The following FHIT variants were observed in gnomAD, a reference collection of about 807,000 sequenced individuals.
FHIT encodes the protein bis(5'-adenosyl)-triphosphatase.
Under a neutral mutation model 17.9 loss-of-function variants are expected in FHIT, and 19 were observed. That is an observed-to-expected ratio of 1.06 (90% CI 0.74 to 1.56). The LOEUF (loss-of-function observed/expected upper bound fraction) is 1.56, where lower values mean the gene tolerates loss of function less well. Among genes scored for constraint, FHIT ranks in the 40% most tolerant of loss-of-function variants. FHIT has a pLI of 0.00. For synonymous variants in FHIT, 81 were observed against 69.7 expected (o/e 1.16, Z -0.81); for missense variants, 248 against 189.2 (o/e 1.31, Z -1.82).
At chr3:60,210,005 T>C (rs1328449855) in intron 5 of FHIT, among the ~76,000 whole-genome samples, 2 of 152,072 alleles carry the variant, frequency 1.3e-5, no homozygotes, top group Non-Finnish European at 2.9e-5. Context: ...ATGGCACACG[T>C]ATACCTATGT....
At chr3:61,098,872 G>C (rs1255524395) in intron 2 of FHIT, among the ~76,000 whole-genome samples, 3 of 152,050 alleles carry the variant, frequency 2.0e-5, no homozygotes, top group African/African-American at 7.2e-5. Flanking sequence ...GGGTTTTCTA[G>C]ATATAAGATT....
intron 4 of FHIT, among the ~76,000 whole-genome samples, chr3:60,757,671 A>G (rs1016230631): frequency 2.0e-5 from 3 of 152,204 alleles, no homozygotes; most frequent in Non-Finnish European, 4.4e-5. Context: ...GCTTCAGGGA[A>G]GAGGTGAGTA....
intron 5 of FHIT, among the ~76,000 whole-genome samples, chr3:60,029,879 T>TTGTGTGTGTGTGTGTGTGTGTGTGTG (rs746113510): frequency 7.6e-6 from 1 of 131,480 alleles, no homozygotes; most frequent in African/African-American, 2.8e-5. Flanking sequence ...CATAGAAGCA[T>TTGTGTGTGTGTGTGTGTGTGTGTGTG]TGTGTGTGTG....
At chr3:60,301,351 A>C (rs1173267262) in intron 5 of FHIT, among the ~76,000 whole-genome samples, 1 of 152,172 alleles carries the variant, frequency 6.6e-6, no homozygotes, top group South Asian at 2.1e-4. Context: ...AACATCAGCC[A>C]TAACTTGCAA....
intron 2 of FHIT, among the ~76,000 whole-genome samples, chr3:61,125,418 CTTTGT>C (rs1422060586): frequency 1.3e-5 from 2 of 152,152 alleles, no homozygotes; most frequent in East Asian, 3.9e-4. Flanking sequence ...AGAAAAAGTT[CTTTGT>C]TTTGTTTTTA....
intron 4 of FHIT, among the ~76,000 whole-genome samples, chr3:60,594,503 C>T (rs371353943): frequency 7.2e-5 from 11 of 152,214 alleles, no homozygotes; most frequent in African/African-American, 2.4e-4. Flanking sequence ...CAGGACCAAC[C>T]AGTGAAAGCT....
At chr3:59,986,591 A>G (rs1490939260) in intron 7 of FHIT, among the ~76,000 whole-genome samples, 1 of 82,062 alleles carries the variant, frequency 1.2e-5, no homozygotes, top group Non-Finnish European at 2.1e-5. Context: ...ACACACACAC[A>G]CACACATATA....
intron 4 of FHIT, among the ~76,000 whole-genome samples, chr3:60,758,857 G>C (rs868921240): frequency 6.6e-6 from 1 of 152,122 alleles, no homozygotes; most frequent in South Asian, 2.1e-4. Flanking sequence ...ATAAGAAATG[G>C]TTAACAGGAA....
intron 5 of FHIT, among the ~76,000 whole-genome samples, chr3:60,101,049 C>A (rs1368783829): frequency 6.6e-6 from 1 of 152,130 alleles, no homozygotes. Context: ...AAGTCTACCC[C>A]CTAGGCCAGA....
intron 7 of FHIT, among the ~76,000 whole-genome samples, chr3:59,978,087 A>C (rs1302420798): frequency 6.6e-6 from 1 of 152,164 alleles, no homozygotes; most frequent in Non-Finnish European, 1.5e-5. Context: ...TCCTCATAAT[A>C]AACCTGTGGG....
intron 8 of FHIT, among the ~76,000 whole-genome samples, chr3:59,882,925 C>T (rs753689705): frequency 1.3e-5 from 2 of 152,110 alleles, no homozygotes; most frequent in East Asian, 1.9e-4. Flanking sequence ...CTATGCTGTT[C>T]GGAGGAGGAA....
intron 3 of FHIT, among the ~76,000 whole-genome samples, chr3:60,981,727 G>A (rs1710505149): frequency 1.3e-5 from 2 of 151,506 alleles, no homozygotes; most frequent in Non-Finnish European, 2.9e-5. Context: ...TCCCTTCTCA[G>A]TCTCCTGAGT....
chr3:60,300,291 A>G (rs1708399649), intron 5 of FHIT, among the ~76,000 whole-genome samples: 1 of 152,102 alleles, frequency 6.6e-6, no homozygotes, highest in Non-Finnish European at 1.5e-5. Context: ...CTTGACTGTT[A>G]TCACAACAGA....
rs998717593 is a variant in FHIT at position 59,992,922 on chromosome 3, T to G, written c.279+18449A>C. Among the ~76,000 whole-genome samples the G allele has an allele frequency of 4.6e-5, 7 of 152,094 alleles. No individual in the cohort carries two copies. In the East Asian group the frequency reaches 1.4e-3, roughly 29 times the overall value. The stretch of plus-strand genomic sequence containing the variant: ...TCTACCACACACTTGCCAACTTTAT[T>G]CAAACTGATGATATTTTTCTTTAAA... On this transcript the variant is annotated intron_variant, in intron 7 of 9. Transcript: ENST00000492590.
intron 5 of FHIT, among the ~76,000 whole-genome samples, chr3:60,484,598 G>A (rs1289549282): frequency 6.6e-6 from 1 of 152,128 alleles, no homozygotes; most frequent in Non-Finnish European, 1.5e-5. Flanking sequence ...AAATGGTTCT[G>A]GGAAAACTGG....
intron 3 of FHIT, among the ~76,000 whole-genome samples, chr3:60,867,561 T>C (rs1704220465): frequency 6.6e-6 from 1 of 152,200 alleles, no homozygotes; most frequent in African/African-American, 2.4e-5. Flanking sequence ...ACTTGTTTCA[T>C]CCAGTTCTCC....
rs543181320 is a variant in FHIT at position 59,835,361 on chromosome 3, T to C, written c.349-83040A>G. On this transcript the variant is annotated intron_variant, in intron 8 of 9. Transcript: ENST00000492590. ...ACCCTTTCCCGCCTATTATGTCTAATGTTATTGTGCACCAAAAATGAAGCT... is the reference window on the plus strand; with the variant it reads ...ACCCTTTCCCGCCTATTATGTCTAACGTTATTGTGCACCAAAAATGAAGCT... Among the ~76,000 whole-genome samples, 5 of 152,310 alleles carry C rather than the reference T, an allele frequency of 3.3e-5. No homozygotes were observed. In the South Asian group the frequency reaches 1.0e-3, roughly 32 times the overall value.
chr3:61,055,139 G>C (rs186037578), intron 2 of FHIT, among the ~76,000 whole-genome samples: 2 of 151,866 alleles, frequency 1.3e-5, no homozygotes, highest in African/African-American at 4.8e-5. Flanking sequence ...TCTGTGATGC[G>C]TCTCTTTTCC....
At chr3:59,954,539 G>T (rs1158493478) in intron 7 of FHIT, among the ~76,000 whole-genome samples, 4 of 152,138 alleles carry the variant, frequency 2.6e-5, no homozygotes, top group African/African-American at 7.2e-5. Flanking sequence ...CCTCTCCTGG[G>T]AAAATCTGCA....
Sources: allele counts gnomAD v4.1 joint callset (sites outside exome capture counted in the v4.1 genomes callset), GRCh38; gene constraint gnomAD v4.1.1; transcripts MANE v1.5; gene names NCBI Gene and HGNC (gene_info 2026-07-23, HGNC 2026-07-21).